The following ADD1 variants were observed in gnomAD, a reference collection of about 807,000 sequenced individuals.
ADD1 encodes the protein alpha-adducin.
Under a neutral mutation model 80.5 loss-of-function variants are expected in ADD1, and 24 were observed. That is an observed-to-expected ratio of 0.30 (90% CI 0.22 to 0.42). ADD1 has a LOEUF of 0.42. Among genes scored for constraint, ADD1 ranks in the 10% least tolerant of loss-of-function variants. ADD1 has a pLI of 1.00. For missense variants in ADD1, 948 were observed against 1,019.0 expected (o/e 0.93, Z 0.95); for synonymous variants, 373 against 393.8 (o/e 0.95, Z 0.63).
intron 1 of ADD1, among the ~76,000 whole-genome samples, chr4:2,847,697 G>C (rs904510934): frequency 2.0e-5 from 3 of 152,130 alleles, no homozygotes; most frequent in Non-Finnish European, 4.4e-5. Flanking sequence ...GCACAGCTTG[G>C]TTTTATACAT....
intron 14 of ADD1, among the ~76,000 whole-genome samples, chr4:2,921,506 CTG>C (rs1435782663): frequency 5.9e-5 from 9 of 152,192 alleles, no homozygotes; most frequent in Admixed American, 5.9e-4. Context: ...GAGAGATCTG[CTG>C]TTAGTCTGAT....
chr4:2,846,540 A>G (rs1726223320), intron 1 of ADD1, among the ~76,000 whole-genome samples: 1 of 152,198 alleles, frequency 6.6e-6, no homozygotes, highest in Admixed American at 6.5e-5. Context: ...GAATATTTTT[A>G]TAAAGATAAT....
intron 11 of ADD1, among the ~76,000 whole-genome samples, chr4:2,908,084 C>T (rs1256481040): frequency 5.9e-5 from 9 of 152,196 alleles, no homozygotes; most frequent in Non-Finnish European, 1.2e-4. Flanking sequence ...GTTTGCTCAC[C>T]GGTCAGAATT....
intron 15 of ADD1, 82 bp from the exon 16 acceptor site, chr4:2,928,089 G>T: frequency 8.1e-7 from 1 of 1,242,140 alleles, no homozygotes. Flanking sequence ...TGGCAGTTTC[G>T]TGTGTGGGGC....
chr4:2,845,474 T>G (rs1027744444), intron 1 of ADD1, among the ~76,000 whole-genome samples: 2 of 152,218 alleles, frequency 1.3e-5, no homozygotes, highest in African/African-American at 4.8e-5. Flanking sequence ...TCAAAACTGC[T>G]TTTCAGAGTT....
intron 12 of ADD1, chr4:2,909,068 G>A: frequency 2.0e-6 from 1 of 511,432 alleles, no homozygotes. Context: ...GTGGCACATT[G>A]AAGATAATTG....
intron 4 of ADD1, among the ~76,000 whole-genome samples, chr4:2,892,790 G>A (rs746919254): frequency 2.6e-5 from 4 of 151,080 alleles, no homozygotes; most frequent in African/African-American, 7.3e-5. Context: ...GCATGATTGC[G>A]CCACTGCATT....
chr4:2,894,567 T>G lies in ADD1; in HGVS notation c.592-15T>G. On this transcript the variant is annotated splice_polypyrimidine_tract_variant and intron_variant, in intron 5 of 15. Transcript: ENST00000683351. ...GTCCTCTTGGTATTTTACATTTTTA[T>G]TTTTTTATTTTCAGGTTAAGATCAA... 2 of 1,575,868 alleles carry G rather than the reference T, an allele frequency of 1.3e-6. No individual in the cohort carries two copies. Among genetic ancestry groups the G allele is most frequent in the Non-Finnish European group, 1.7e-6 (2 of 1,167,440 alleles).
chr4:2,870,016 C>CT (rs1247244289), intron 1 of ADD1, among the ~76,000 whole-genome samples: 1 of 152,300 alleles, frequency 6.6e-6, no homozygotes, highest in South Asian at 2.1e-4. Context: ...CGGAGGCTTT[C>CT]TTTAATGGCT....
chr4:2,899,543 C>T, intron 9 of ADD1, 108 bp downstream of exon 9: 3 of 1,209,908 alleles, frequency 2.5e-6, no homozygotes, highest in Non-Finnish European at 3.6e-6. Context: ...ATCTGAATAC[C>T]TTCACCTTCA....
At chr4:2,867,235 TC>T (rs1441394012) in intron 1 of ADD1, among the ~76,000 whole-genome samples, 1 of 152,186 alleles carries the variant, frequency 6.6e-6, no homozygotes, top group African/African-American at 2.4e-5. Flanking sequence ...CTTTTCTGGA[TC>T]CCTTGCATTT....
intron 1 of ADD1, among the ~76,000 whole-genome samples, chr4:2,867,106 T>G (rs1360130227): frequency 6.6e-6 from 1 of 152,038 alleles, no homozygotes; most frequent in South Asian, 2.1e-4. Context: ...ACAAAAACAC[T>G]GAGTCAGTCT....
intron 12 of ADD1, chr4:2,908,847 G>A (rs1737508196): frequency 1.8e-6 from 1 of 547,852 alleles, no homozygotes; most frequent in Middle Eastern, 5.0e-4. Context: ...ATGCATATGT[G>A]AGGGTGGCAC....
At chr4:2,852,193 TCTTTCCTTTCTTTC>T (rs1262190196) in intron 1 of ADD1, among the ~76,000 whole-genome samples, 3 of 78,260 alleles carry the variant, frequency 3.8e-5, no homozygotes, top group African/African-American at 1.3e-4. Flanking sequence ...TTTCTTTCTT[TCTTTCCTTTCTTTC>T]CTTTCCTTTC....
chr4:2,863,160 C>G (rs1210185286), intron 1 of ADD1, among the ~76,000 whole-genome samples: 2 of 151,950 alleles, frequency 1.3e-5, no homozygotes, highest in Non-Finnish European at 2.9e-5. Flanking sequence ...ATCCTCTCAC[C>G]TCAGACTCCT....
chr4:2,852,207 C>CTTTCTTTCTTTCCTTT, intron 1 of ADD1, among the ~76,000 whole-genome samples: 1 of 66,140 alleles, frequency 1.5e-5, no homozygotes, highest in South Asian at 5.4e-4. Context: ...TCCTTTCTTT[C>CTTTCTTTCTTTCCTTT]CTTTCCTTTC....
chr4:2,894,026 C>G lies in ADD1; in HGVS notation c.524C>G (p.Ser175Cys). 2 of 1,614,110 alleles carry G rather than the reference C, an allele frequency of 1.2e-6. No individual in the cohort carries two copies. The highest frequency in any genetic ancestry group is 1.7e-6 in the Non-Finnish European group (2 of 1,179,960). ...TTTTCCCCACAGACCAGAGTGAACT[C>G]CGAGCAGGAACACTTCCTCATTGTC... ...IYNHITTRVN[S>C]EQEHFLIVPF... Residue 175 changes from serine (S) to cysteine (C), a missense_variant, in exon 5 of 16, where the codon TCC (serine) becomes TGC (cysteine). Transcript: ENST00000683351.
rs1203722600 is a variant in ADD1, at chr4:2,928,365, G to T, written c.2242G>T (p.Ala748Ser). Residue 748 changes from alanine (A) to serine (S), a missense_variant, in exon 16 of 16, where the codon GCC (alanine) becomes TCC (serine). Physicochemically the swap from Ala to Ser is moderately conservative, Grantham distance 99 (BLOSUM62 1). Coordinates refer to ENST00000683351, the MANE Select transcript of ADD1 (RefSeq NM_001354761.2). ...EASPEPAPDP[A>S]PVAEEAAPSA... ...CAGCCCCGAGCCAGCCCCAGACCCA[G>T]CCCCGGTGGCTGAAGAGGCTGCCCC... The T allele has an allele frequency of 6.2e-7, 1 of 1,613,428 alleles. No individual in the cohort carries two copies. The highest frequency in any genetic ancestry group is 8.5e-7 in the Non-Finnish European group (1 of 1,179,848).
chr4:2,910,949 C>T (rs1030577212), intron 13 of ADD1, among the ~76,000 whole-genome samples: 1 of 152,064 alleles, frequency 6.6e-6, no homozygotes, highest in African/African-American at 2.4e-5. Context: ...ACTTTTGCAC[C>T]CTTGATCTTT....
Sources: allele counts gnomAD v4.1 joint callset (sites outside exome capture counted in the v4.1 genomes callset), GRCh38; gene constraint gnomAD v4.1.1; transcripts MANE v1.5; gene names NCBI Gene and HGNC (gene_info 2026-07-23, HGNC 2026-07-21).